The following MYOM2 variants were observed in gnomAD, a reference collection of about 807,000 sequenced individuals.
MYOM2 encodes myomesin 2, also known as myomesin-2.
A neutral mutation model predicts 187.6 loss-of-function variants in MYOM2; 254 were observed. That is an observed-to-expected ratio of 1.35 (90% CI 1.22 to 1.50). The LOEUF is 1.50. Among genes scored for constraint, MYOM2 ranks in the 40% most tolerant of loss-of-function variants. The pLI, the probability that MYOM2 is intolerant of heterozygous loss-of-function variation, is 0.00. For synonymous variants in MYOM2, 981 were observed against 753.8 expected (o/e 1.30, Z -4.94); for missense variants, 2,796 against 1,924.0 (o/e 1.45, Z -8.48).
intron 32 of MYOM2, 95 bp from the exon 33 acceptor site, chr8:2,140,628 A>T: frequency 7.8e-7 from 1 of 1,281,598 alleles, no homozygotes; most frequent in Non-Finnish European, 1.1e-6. Flanking sequence ...AGCAGCTTAG[A>T]GAAGGCTGTC....
At chr8:2,072,186 G>T (rs909390017) in intron 8 of MYOM2, among the ~76,000 whole-genome samples, 159 bp from the exon 9 acceptor site, 1 of 152,094 alleles carries the variant, frequency 6.6e-6, no homozygotes, top group Non-Finnish European at 1.5e-5. Context: ...AGCCGAGGTC[G>T]CACCACTGCA....
At chr8:2,073,276 G>A (rs557270555) in intron 9 of MYOM2, 63 bp from the exon 10 acceptor site, 14 of 1,549,778 alleles carry the variant, frequency 9.0e-6, no homozygotes, top group East Asian at 4.5e-5. Flanking sequence ...TGGTGTCCCC[G>A]AGGCTTTCTT....
chr8:2,138,861 A>G (rs953974258), intron 32 of MYOM2, among the ~76,000 whole-genome samples: 1 of 152,156 alleles, frequency 6.6e-6, no homozygotes, highest in Non-Finnish European at 1.5e-5. Flanking sequence ...ATCCCTGGGA[A>G]CAGCCATTTC....
chr8:2,069,070 G>A (rs900445712), intron 6 of MYOM2, among the ~76,000 whole-genome samples: 32 of 152,306 alleles, frequency 2.1e-4, no homozygotes, highest in African/African-American at 7.2e-4. Context: ...CCATCTTCTG[G>A]GATCAGGCCT....
intron 1 of MYOM2, among the ~76,000 whole-genome samples, chr8:2,049,356 T>C (rs530023966): frequency 6.6e-6 from 1 of 152,324 alleles, no homozygotes; most frequent in African/African-American, 2.4e-5. Context: ...TTCTTCCCTG[T>C]AGAATAGGAG....
chr8:2,081,450 A>G (rs1819624962), intron 13 of MYOM2, among the ~76,000 whole-genome samples: 1 of 152,250 alleles, frequency 6.6e-6, no homozygotes, highest in Non-Finnish European at 1.5e-5. Context: ...TGGGAAGAAC[A>G]GGCAGTCCCC....
At chr8:2,062,198 G>A (rs544301191) in intron 6 of MYOM2, among the ~76,000 whole-genome samples, 2 of 152,338 alleles carry the variant, frequency 1.3e-5, no homozygotes, top group South Asian at 2.1e-4. Context: ...TGCAGATCAC[G>A]GGGACCCCGT....
At chr8:2,128,469 A>G (rs1025728343) in intron 31 of MYOM2, among the ~76,000 whole-genome samples, 1 of 152,214 alleles carries the variant, frequency 6.6e-6, no homozygotes, top group African/African-American at 2.4e-5. Context: ...TCTGATAACA[A>G]TCTCTACTTC....
Position 2,123,379 on chromosome 8 carries a change from A to C in MYOM2, c.3567+14A>C. The stretch of plus-strand genomic sequence containing the variant: ...CTCATCCCAAAGGTATCAGGCATTG[A>C]GTAACACAAGAAAGCAAAACAAAAA... On this transcript the variant is annotated intron_variant, in intron 29 of 36. Coordinates refer to ENST00000262113, the MANE Select transcript of MYOM2 (RefSeq NM_003970.4). The C allele has an allele frequency of 6.6e-7, 1 of 1,511,300 alleles. No individual in the cohort carries two copies. The highest frequency in any genetic ancestry group is 1.9e-5 in the African/African-American group (1 of 51,438). The allele number at this position is 1,511,300 out of a possible 1,614,324, so 93.6% of individuals were successfully genotyped here. A position where few individuals can be genotyped will look rare whatever the true frequency, so the allele number is the denominator to read the frequency against.
intron 32 of MYOM2, among the ~76,000 whole-genome samples, chr8:2,137,214 C>T (rs1172708180): frequency 6.6e-6 from 1 of 151,720 alleles, no homozygotes; most frequent in African/African-American, 2.4e-5. Context: ...ATTGTCTTCT[C>T]CCTAACACCC....
rs1797303422 is a variant in MYOM2 at position 2,117,957 on chromosome 8, G to C, written c.3453+5G>C. 6.2e-7 allele frequency: 1 copy of C among 1,611,552 alleles called. No homozygotes were observed. The highest frequency in any genetic ancestry group is 1.3e-5 in the African/African-American group (1 of 74,806). ...GAAGTTCGACTTGTTTGCAAGGTGAGAAACCCGGTTCTAACAGGAAAACAA... is the reference window on the plus strand; with the variant it reads ...GAAGTTCGACTTGTTTGCAAGGTGACAAACCCGGTTCTAACAGGAAAACAA... On this transcript the variant is annotated splice_donor_5th_base_variant and intron_variant, in intron 28 of 36. Coordinates refer to ENST00000262113, the MANE Select transcript of MYOM2 (RefSeq NM_003970.4).
chr8:2,123,824 G>T (rs1318062668), intron 30 of MYOM2, among the ~76,000 whole-genome samples, 182 bp downstream of exon 30: 1 of 152,186 alleles, frequency 6.6e-6, no homozygotes, highest in Non-Finnish European at 1.5e-5. Flanking sequence ...CAGTGTTTTA[G>T]AATAATGTAT....
chr8:2,110,431 T>C (rs990732799), intron 25 of MYOM2, among the ~76,000 whole-genome samples: 8 of 152,224 alleles, frequency 5.3e-5, no homozygotes, highest in African/African-American at 1.9e-4. Flanking sequence ...GTACTCCTTA[T>C]TTGTCTGGAG....
intron 32 of MYOM2, among the ~76,000 whole-genome samples, chr8:2,133,817 G>A (rs74304066): frequency 0.13 from 19,811 of 151,992 alleles, 2,183 homozygotes; most frequent in African/African-American, 0.28. Context: ...GTTACTTCCA[G>A]CCATTTATTT....
chr8:2,145,392 GA>G lies in MYOM2; in HGVS notation c.*413del, dbSNP rs1343013441. On this transcript the variant is annotated 3_prime_UTR_variant, in exon 37 of 37. Transcript: ENST00000262113. ...CTGAAATCCTGGCTGTCGAGGCTTTGAAGCATGTGTTACCTGGTTAAGCTTG... is the reference window on the plus strand; with the variant it reads ...CTGAAATCCTGGCTGTCGAGGCTTTGAGCATGTGTTACCTGGTTAAGCTTG... The G allele has an allele frequency of 3.8e-6, 1 of 261,232 alleles. No homozygotes were observed. Among genetic ancestry groups the G allele is most frequent in the Non-Finnish European group, 7.1e-6 (1 of 140,522 alleles). The allele number at this position is 261,232 out of a possible 1,614,324, so 16.2% of individuals were successfully genotyped here.
At chr8:2,056,848 C>A (rs1425748947) in intron 3 of MYOM2, among the ~76,000 whole-genome samples, 1 of 152,158 alleles carries the variant, frequency 6.6e-6, no homozygotes, top group Admixed American at 6.5e-5. Context: ...TCGGATAAAT[C>A]CACAGAAGTT....
intron 5 of MYOM2, among the ~76,000 whole-genome samples, chr8:2,058,785 G>T (rs1226901319): frequency 6.6e-6 from 1 of 152,154 alleles, no homozygotes; most frequent in Non-Finnish European, 1.5e-5. Context: ...GGGTCAGTGC[G>T]TTAGGTCCCG....
At chr8:2,134,383 A>G (rs983780033) in intron 32 of MYOM2, among the ~76,000 whole-genome samples, 1 of 152,164 alleles carries the variant, frequency 6.6e-6, no homozygotes, top group Admixed American at 6.5e-5. Context: ...AATACAACAA[A>G]AGCCATGCTG....
chr8:2,132,060 T>G (rs1052192118), intron 32 of MYOM2, among the ~76,000 whole-genome samples: 25 of 152,242 alleles, frequency 1.6e-4, no homozygotes, highest in African/African-American at 6.0e-4. Flanking sequence ...TGTAATTCAC[T>G]TCTTGATGAC....
Sources: allele counts gnomAD v4.1 joint callset (sites outside exome capture counted in the v4.1 genomes callset), GRCh38; gene constraint gnomAD v4.1.1; transcripts MANE v1.5; gene names NCBI Gene and HGNC (gene_info 2026-07-23, HGNC 2026-07-21).